The following FILIP1 variants were observed in gnomAD, a reference collection of about 807,000 sequenced individuals.
FILIP1 encodes the protein filamin-A-interacting protein 1.
In FILIP1, 61 loss-of-function variants were observed where a neutral mutation model predicts 102.1. The ratio of observed to expected loss-of-function variants is 0.60; its 90% CI spans 0.49 to 0.74. The LOEUF is 0.74. Ranked by LOEUF, FILIP1 falls within the 30% of genes least tolerant of loss-of-function variation. FILIP1 has a pLI of 0.00. For synonymous variants in FILIP1, 491 were observed against 526.9 expected, an observed-to-expected ratio of 0.93 and a Z score of 0.93; for missense variants, 1,314 against 1,441.2, an observed-to-expected ratio of 0.91 and a Z score of 1.43.
At chr6:75,432,980 A>T (rs919155379) in intron 1 of FILIP1, among the ~76,000 whole-genome samples, 2 of 152,168 alleles carry the variant, frequency 1.3e-5, no homozygotes, top group African/African-American at 4.8e-5. Context: ...TTCCAGCTTC[A>T]TCCATGTCCC....
intron 2 of FILIP1, among the ~76,000 whole-genome samples, chr6:75,404,019 C>A (rs778379209): frequency 6.6e-6 from 1 of 152,162 alleles, no homozygotes; most frequent in Non-Finnish European, 1.5e-5. Flanking sequence ...TTCACCATTT[C>A]TGGACCTCAT....
In FILIP1 at chr6:75,313,612, C is replaced by G; in HGVS notation, c.2220G>C (p.Gln740His). The G allele has an allele frequency of 1.9e-6, 3 of 1,607,572 alleles. No individual in the cohort carries two copies. Among genetic ancestry groups the G allele is most frequent in the Non-Finnish European group, 2.5e-6 (3 of 1,178,280 alleles). Reference protein sequence around the residue: ...KIHELMNKEDQLSQLQVDYSV... With the variant: ...KIHELMNKEDHLSQLQVDYSV... Reference sequence around the variant, plus strand: ...AATAATCTACCTGGAGCTGAGAAAGCTGATCTTCTTTGTTCATTAATTCGT... The same window carrying G: ...AATAATCTACCTGGAGCTGAGAAAGGTGATCTTCTTTGTTCATTAATTCGT... Residue 740 changes from glutamine (Q) to histidine (H), a missense_variant, in exon 5 of 6, where the codon CAG (glutamine) becomes CAC (histidine). By Grantham distance (24) the Gln-to-His change is conservative. Around this residue, in one of 3 missense-constraint regions of FILIP1, gnomAD observed 816 missense variants for 913.1 expected, o/e 0.89. Transcript: ENST00000237172. This position sits in a 1 kb window ranked among gnomAD's most constrained non-coding sequence, Gnocchi z 4.2.
chr6:75,429,514 G>A (rs1176090666), intron 1 of FILIP1, among the ~76,000 whole-genome samples: 4 of 152,148 alleles, frequency 2.6e-5, no homozygotes, highest in Non-Finnish European at 4.4e-5. Context: ...GAGGCCCCTA[G>A]CAGGTATAAA....
chr6:75,475,438 T>C (rs892032042), intron 1 of FILIP1, among the ~76,000 whole-genome samples: 11 of 152,188 alleles, frequency 7.2e-5, no homozygotes, highest in Non-Finnish European at 1.6e-4. Flanking sequence ...TGGGTAGCCA[T>C]CATCCCTTGT....
intron 1 of FILIP1, among the ~76,000 whole-genome samples, chr6:75,481,437 A>G (rs914261168): frequency 6.6e-6 from 1 of 152,112 alleles, no homozygotes; most frequent in African/African-American, 2.4e-5. Context: ...CATCTCACTC[A>G]CAGTCTCTAG....
At chr6:75,415,427 A>C (rs185731084) in intron 1 of FILIP1, among the ~76,000 whole-genome samples, 5 of 151,750 alleles carry the variant, frequency 3.3e-5, no homozygotes, top group African/African-American at 1.2e-4. Context: ...AATAAAATAA[A>C]AATAAATAAA....
chr6:75,475,062 G>A (rs1054847206), intron 1 of FILIP1, among the ~76,000 whole-genome samples: 1 of 152,134 alleles, frequency 6.6e-6, no homozygotes, highest in Non-Finnish European at 1.5e-5. Context: ...GCAGAACCAT[G>A]AGCCAATTAA....
chr6:75,480,964 A>G (rs761978378), intron 1 of FILIP1, among the ~76,000 whole-genome samples: 1 of 152,226 alleles, frequency 6.6e-6, no homozygotes, highest in Non-Finnish European at 1.5e-5. Context: ...AGCTATGTAG[A>G]CTTGTTGTAA....
intron 1 of FILIP1, among the ~76,000 whole-genome samples, chr6:75,471,934 TA>T (rs200859689): frequency 0.025 from 3,851 of 152,178 alleles, 172 homozygotes; most frequent in African/African-American, 0.086. Flanking sequence ...AAGACTAAGA[TA>T]GGGGCATTGG....
At chr6:75,311,785 C>T (rs1270140991) in intron 5 of FILIP1, among the ~76,000 whole-genome samples, 2 of 152,206 alleles carry the variant, frequency 1.3e-5, no homozygotes, top group Non-Finnish European at 2.9e-5. Flanking sequence ...GCATGAGCCA[C>T]CGCACCCAGC....
At position 75,313,358 on chromosome 6, in the gene FILIP1, C is replaced by T. The variant is rs756361284; in HGVS notation, c.2474G>A (p.Arg825Gln). The change falls in exon 5 of 6, where the codon CGG (arginine) becomes CAG (glutamine). Residue 825 changes from arginine (R) to glutamine (Q), a missense_variant. Physicochemically the swap from Arg to Gln is conservative, Grantham distance 43 (BLOSUM62 1). Transcript: ENST00000237172. The surrounding 1 kb of genome is among the most constrained non-coding windows in gnomAD (Gnocchi z 4.2). ...AEEETPAVFI[R>Q]KSFQEENHIM... Reference sequence around the variant, plus strand: ...ATGATTTTCTTCCTGGAAGGATTTCCGTATGAATACAGCTGGCGTTTCTTC... The same window carrying T: ...ATGATTTTCTTCCTGGAAGGATTTCTGTATGAATACAGCTGGCGTTTCTTC... 6.2e-6 allele frequency: 10 copies of T among 1,614,066 alleles called. No homozygotes were observed. Among genetic ancestry groups the T allele is most frequent in the African/African-American group, 1.3e-5 (1 of 74,902 alleles).
chr6:75,489,981 C>T (rs17496664), intron 1 of FILIP1, among the ~76,000 whole-genome samples: 38,496 of 151,740 alleles, frequency 0.25, 6,373 homozygotes, highest in Non-Finnish European at 0.38. Flanking sequence ...CTAAAACCCA[C>T]GAGTTTAAAG....
chr6:75,336,766 C>T (rs1168314455), intron 4 of FILIP1, among the ~76,000 whole-genome samples: 1 of 152,094 alleles, frequency 6.6e-6, no homozygotes, highest in Non-Finnish European at 1.5e-5. Flanking sequence ...CTGTTTAATA[C>T]CACTAAACGA....
In FILIP1 at chr6:75,312,932, CTT is replaced by C; in HGVS notation, c.2898_2899del (p.Ser967TrpfsTer53). On this transcript the variant is annotated frameshift_variant, in exon 5 of 6. Coordinates refer to ENST00000237172, the MANE Select transcript of FILIP1 (RefSeq NM_015687.5). LOFTEE classifies it high-confidence loss of function. ...TTCTGGGCCAAGAGTAGTATCTCCA[CTT>C]TTTTGTTTTTGAGGCATAACGTTTG... 6.2e-7 allele frequency: 1 copy of C among 1,614,098 alleles called. No individual in the cohort carries two copies. Among genetic ancestry groups the C allele is most frequent in the Non-Finnish European group, 8.5e-7 (1 of 1,180,018 alleles).
At chr6:75,491,525 A>G (rs1278740136) in intron 1 of FILIP1, among the ~76,000 whole-genome samples, 1 of 152,186 alleles carries the variant, frequency 6.6e-6, no homozygotes, top group Admixed American at 6.6e-5. Context: ...AACAAGGGGT[A>G]GGAGGGAGCA....
intron 1 of FILIP1, among the ~76,000 whole-genome samples, chr6:75,485,594 G>A (rs989490960): frequency 1.3e-5 from 2 of 152,130 alleles, no homozygotes; most frequent in African/African-American, 4.8e-5. Context: ...CTGCTCCATC[G>A]AAGTTTTATT....
chr6:75,470,335 A>T (rs1021263853), intron 1 of FILIP1, among the ~76,000 whole-genome samples: 1 of 152,222 alleles, frequency 6.6e-6, no homozygotes, highest in Admixed American at 6.5e-5. Context: ...TAGTTTGAAG[A>T]AACAGAATAG....
intron 1 of FILIP1, among the ~76,000 whole-genome samples, chr6:75,423,353 A>G (rs1276641647): frequency 4.6e-5 from 7 of 152,076 alleles, no homozygotes; most frequent in Non-Finnish European, 8.8e-5. Context: ...AACATTGAAC[A>G]TTTCTCGACC....
chr6:75,407,480 C>A (rs1776908330), intron 2 of FILIP1, among the ~76,000 whole-genome samples: 1 of 152,214 alleles, frequency 6.6e-6, no homozygotes, highest in South Asian at 2.1e-4. Flanking sequence ...CCCACCTCGG[C>A]CTCCCATAGT....
Sources: gnomAD v4.1 joint callset for allele counts (sites outside exome capture counted in the v4.1 genomes callset) on GRCh38, gnomAD v4.1.1 for gene constraint, gnomAD v4.1.1 regional missense constraint, Gnocchi (gnomAD v3.1) non-coding constraint, MANE v1.5 for transcripts, NCBI Gene and HGNC (gene_info 2026-07-23, HGNC 2026-07-21) for gene names.